FAM13C: variants seen among roughly 807,000 people sequenced by gnomAD.
FAM13C encodes family with sequence similarity 13 member C, also known as protein FAM13C.
Under a neutral mutation model 73.2 loss-of-function variants are expected in FAM13C, and 37 were observed. That is an observed-to-expected ratio of 0.51 (90% CI 0.39 to 0.67). The LOEUF is 0.67. FAM13C is among the 30% of genes least tolerant of loss of function. The probability of loss-of-function intolerance (pLI) is 0.00; values close to 1 mark genes in which losing one functional copy is unlikely to be tolerated. For synonymous variants in FAM13C, 246 were observed against 260.9 expected (o/e 0.94, Z 0.55); for missense variants, 589 against 715.6 (o/e 0.82, Z 2.02).
At chr10:59,269,764 C>T (rs1843486973) in intron 7 of FAM13C, 135 bp downstream of exon 7, 1 of 1,048,762 alleles carries the variant, frequency 9.5e-7, no homozygotes, top group Non-Finnish European at 1.4e-6. Context: ...TAATTTTTGT[C>T]ATTTATTGTT....
chr10:59,292,999 C>A (rs1381840707), intron 5 of FAM13C, among the ~76,000 whole-genome samples: 1 of 151,958 alleles, frequency 6.6e-6, no homozygotes, highest in African/African-American at 2.4e-5. Context: ...TCTCTCTCCC[C>A]CTTACCCTTC....
intron 4 of FAM13C, 142 bp downstream of exon 4, chr10:59,323,846 C>G (rs1442619357): frequency 2.7e-6 from 2 of 746,890 alleles, no homozygotes; most frequent in Non-Finnish European, 2.4e-6. Context: ...CTCTTCTAGG[C>G]CCCTTTAAGC....
At chr10:59,284,982 C>T (rs544535138) in intron 5 of FAM13C, among the ~76,000 whole-genome samples, 18 of 152,142 alleles carry the variant, frequency 1.2e-4, no homozygotes, top group Non-Finnish European at 2.1e-4. Context: ...CATGCAAGAT[C>T]GAGTCCCACA....
intron 1 of FAM13C, among the ~76,000 whole-genome samples, chr10:59,358,589 T>C (rs1479344543): frequency 6.6e-6 from 1 of 152,204 alleles, no homozygotes; most frequent in Non-Finnish European, 1.5e-5. Context: ...AGAACAAAAA[T>C]CTAGAATTGT....
At chr10:59,291,176 C>T (rs1274518472) in intron 5 of FAM13C, among the ~76,000 whole-genome samples, 1 of 152,140 alleles carries the variant, frequency 6.6e-6, no homozygotes, top group East Asian at 1.9e-4. Flanking sequence ...TTTTATCCTT[C>T]GGTTGGTTCC....
At chr10:59,340,486 T>G (rs1399848803) in intron 3 of FAM13C, among the ~76,000 whole-genome samples, 1 of 152,154 alleles carries the variant, frequency 6.6e-6, no homozygotes, top group Non-Finnish European at 1.5e-5. Context: ...ACCAGATTCC[T>G]GCCTGGCACT....
chr10:59,317,653 C>T lies in FAM13C; in HGVS notation c.443+6335G>A, dbSNP rs181925946. On this transcript the variant is annotated intron_variant, in intron 4 of 13. Transcript: ENST00000618804. ...TACTGGTCTTATGTAGAAAAGCACA[C>T]TGCTATACATGATTATTGTATAATC... Among the ~76,000 whole-genome samples the T allele has an allele frequency of 3.3e-5, 5 of 152,252 alleles. No individual in the cohort carries two copies. The East Asian group carries it at 9.6e-4, about 29-fold the overall frequency.
chr10:59,257,738 G>T (rs1365746517), intron 10 of FAM13C, among the ~76,000 whole-genome samples: 1 of 152,152 alleles, frequency 6.6e-6, no homozygotes, highest in East Asian at 1.9e-4. Context: ...GAAAGCAATT[G>T]CTAAAGAGAA....
At chr10:59,273,201 T>C (rs1843922511) in intron 6 of FAM13C, among the ~76,000 whole-genome samples, 1 of 152,282 alleles carries the variant, frequency 6.6e-6, no homozygotes, top group South Asian at 2.1e-4. Flanking sequence ...TTAAAACTAA[T>C]ACACATTAAA....
chr10:59,316,103 T>G (rs1849496011), intron 4 of FAM13C, among the ~76,000 whole-genome samples: 1 of 152,042 alleles, frequency 6.6e-6, no homozygotes, highest in South Asian at 2.1e-4. Context: ...CTAATTTTTG[T>G]ATTTTATTTT....
chr10:59,269,417 TACAC>T (rs10532470), intron 7 of FAM13C, among the ~76,000 whole-genome samples: 3,354 of 145,668 alleles, frequency 0.023, 50 homozygotes, highest in Middle Eastern at 0.047. Flanking sequence ...GGCATCCGAT[TACAC>T]ACACACACAC....
intron 3 of FAM13C, among the ~76,000 whole-genome samples, chr10:59,346,401 T>C (rs1230007662): frequency 6.6e-6 from 1 of 152,222 alleles, no homozygotes; most frequent in Non-Finnish European, 1.5e-5. Flanking sequence ...CTTAGATTTC[T>C]CTTCAGCCTC....
At position 59,264,131 on chromosome 10, in the gene FAM13C, G is replaced by T; in HGVS notation, c.978C>A (p.Val326=). 1.9e-6 allele frequency: 3 copies of T among 1,602,126 alleles called. No homozygotes were observed. Among genetic ancestry groups the T allele is most frequent in the Non-Finnish European group, 2.6e-6 (3 of 1,173,050 alleles). Residue 326 remains valine (V), a synonymous_variant, in exon 9 of 14, where the codon GTC becomes GTA. Transcript: ENST00000618804. ...SHGDKTSNPE[V]LKWMNDLAKG... is the part of the protein sequence containing the mutation. ...TAGCCAAATCATTCATCCATTTCAG[G>T]ACTTCAGGATTAGAAGTCTTGTCAC...
At chr10:59,264,201 A>C in intron 8 of FAM13C, 35 bp from the exon 9 acceptor site, 1 of 880,686 alleles carries the variant, frequency 1.1e-6, no homozygotes. Flanking sequence ...GGTGGAAGGG[A>C]GGGAAGGAGG....
chr10:59,265,310 A>G (rs1338337285), intron 8 of FAM13C, among the ~76,000 whole-genome samples: 6 of 11,402 alleles, frequency 5.3e-4, no homozygotes, highest in African/African-American at 2.4e-3. Context: ...AGGGATAGGG[A>G]AGGGGTTTTG....
chr10:59,294,278 T>C (rs1434141419), intron 5 of FAM13C, among the ~76,000 whole-genome samples: 1 of 152,072 alleles, frequency 6.6e-6, no homozygotes, highest in African/African-American at 2.4e-5. Flanking sequence ...TGAAGAGATA[T>C]ACATGAAAGA....
intron 3 of FAM13C, among the ~76,000 whole-genome samples, chr10:59,351,377 A>G (rs977076537): frequency 2.0e-5 from 3 of 151,150 alleles, no homozygotes; most frequent in African/African-American, 7.3e-5. Flanking sequence ...AGGGATTTTA[A>G]TAGTCTTTGC....
intron 4 of FAM13C, among the ~76,000 whole-genome samples, chr10:59,311,326 G>A (rs968249852): frequency 1.3e-5 from 2 of 152,188 alleles, no homozygotes; most frequent in African/African-American, 2.4e-5. Flanking sequence ...ACACATTTTG[G>A]ATGGAATATT....
rs1843532063 is a variant in FAM13C, at chr10:59,270,064, G to A, written c.638C>T (p.Ala213Val). 1 of 1,613,626 alleles carries A rather than the reference G, an allele frequency of 6.2e-7. No individual in the cohort carries two copies. Among genetic ancestry groups the A allele is most frequent in the Non-Finnish European group, 8.5e-7 (1 of 1,179,784 alleles). Residue 213 changes from alanine to valine, a missense_variant, in exon 7 of 14, where the codon GCA becomes GTA. Physicochemically the swap from Ala to Val is moderately conservative, Grantham distance 64 (BLOSUM62 0). Transcript: ENST00000618804. Reference sequence around the variant, plus strand: ...CCCCACAGAGTGGAGGTCTTCTGGTGCACTGTCGGCCTCATTCTGCCCATC... The same window carrying A: ...CCCCACAGAGTGGAGGTCTTCTGGTACACTGTCGGCCTCATTCTGCCCATC... ...HKDGQNEADSAPEDLHSVGTS... is the reference protein window; with the variant it reads ...HKDGQNEADSVPEDLHSVGTS...
Sources: allele counts gnomAD v4.1 joint callset (sites outside exome capture counted in the v4.1 genomes callset), GRCh38; gene constraint gnomAD v4.1.1; transcripts MANE v1.5; gene names NCBI Gene and HGNC (gene_info 2026-07-23, HGNC 2026-07-21).